PML: variants seen among roughly 807,000 people sequenced by gnomAD.
PML encodes the protein protein PML.
PML carries 28 observed loss-of-function variants against 65.2 expected under a neutral mutation model. That is an observed-to-expected ratio of 0.43 (90% CI 0.32 to 0.59). PML has a LOEUF of 0.59. Among genes scored for constraint, PML ranks in the 20% least tolerant of loss-of-function variants. PML has a pLI of 0.08. For synonymous variants in PML, 500 were observed against 508.8 expected, an observed-to-expected ratio of 0.98 and a Z score of 0.23; for missense variants, 1,021 against 1,203.4, an observed-to-expected ratio of 0.85 and a Z score of 2.24.
At chr15:74,016,701 C>G (rs1345838554) in intron 2 of PML, among the ~76,000 whole-genome samples, 1 of 148,868 alleles carries the variant, frequency 6.7e-6, no homozygotes, top group Non-Finnish European at 1.5e-5. Context: ...AAATGAACAA[C>G]ATTTAGTGTT....
At position 74,045,111 on chromosome 15, in the gene PML, C is replaced by T. The variant is rs2071758832; in HGVS notation, c.*103C>T. ...GCATTCCCAGGTCCTGGTACCCAGC[C>T]CTCAGTTGTCATTTGGTTCAGAATC... On this transcript the variant is annotated 3_prime_UTR_variant, in exon 9 of 9. Coordinates refer to ENST00000268058, the MANE Select transcript of PML (RefSeq NM_033238.3). The T allele has an allele frequency of 9.5e-7, 1 of 1,050,960 alleles. No individual in the cohort carries two copies. Among genetic ancestry groups the T allele is most frequent in the Non-Finnish European group, 1.4e-6 (1 of 736,620 alleles). 65.1% of individuals were successfully genotyped at this position (1,050,960 alleles called of 1,614,324 possible). A position where few individuals can be genotyped will look rare whatever the true frequency, so the allele number is the denominator to read the frequency against.
At chr15:74,022,029 C>T (rs951333119) in intron 2 of PML, among the ~76,000 whole-genome samples, 4 of 152,194 alleles carry the variant, frequency 2.6e-5, no homozygotes, top group African/African-American at 7.2e-5. Flanking sequence ...ACCATCTGGG[C>T]TCACCGCAGC....
intron 2 of PML, among the ~76,000 whole-genome samples, chr15:74,006,390 CAAAAAAAAAAA>C (rs372202858): frequency 2.3e-5 from 2 of 87,554 alleles, no homozygotes; most frequent in Non-Finnish European, 4.2e-5. Context: ...GACTCCGTCT[CAAAAAAAAAAA>C]AAAAAAAAAG....
At chr15:74,039,665 G>C (rs558929087) in intron 7 of PML, among the ~76,000 whole-genome samples, 1 of 152,140 alleles carries the variant, frequency 6.6e-6, no homozygotes, top group South Asian at 2.1e-4. Flanking sequence ...GATTCTAATC[G>C]AATCAGTCTT....
intron 2 of PML, among the ~76,000 whole-genome samples, chr15:74,011,354 G>A (rs2070325554): frequency 6.6e-6 from 1 of 152,218 alleles, no homozygotes; most frequent in African/African-American, 2.4e-5. Flanking sequence ...CTCATGGACT[G>A]AGAACAGGAA....
At chr15:74,025,314 C>T in intron 4 of PML, 1 of 296,616 alleles carries the variant, frequency 3.4e-6, no homozygotes, top group Non-Finnish European at 6.7e-6. Context: ...GGTCAGCAGT[C>T]CTGAGGGATG....
chr15:74,008,902 C>T (rs1432646342), intron 2 of PML, among the ~76,000 whole-genome samples: 1 of 152,068 alleles, frequency 6.6e-6, no homozygotes, highest in African/African-American at 2.4e-5. Context: ...CACCCCATTC[C>T]ACGGAGAATT....
chr15:74,012,365 A>C (rs1168702777), intron 2 of PML, among the ~76,000 whole-genome samples: 1 of 152,102 alleles, frequency 6.6e-6, no homozygotes, highest in African/African-American at 2.4e-5. Flanking sequence ...TAGTAGAGAC[A>C]GGGTTTCACC....
chr15:74,018,321 T>G (rs1176108075), intron 2 of PML, among the ~76,000 whole-genome samples: 1 of 87,856 alleles, frequency 1.1e-5, no homozygotes, highest in South Asian at 4.1e-4. Context: ...AGACTCAGTC[T>G]CAAAAAAAAA....
In PML at chr15:73,998,320, C is replaced by T. The variant is rs1262054222; in HGVS notation, c.446C>T (p.Ala149Val). ...TTTGAGTGCGAGCAGCTCCTCTGCG[C>T]CAAGTGCTTCGAGGCACACCAGTGG... ...WCFECEQLLC[A>V]KCFEAHQWFL... Residue 149 changes from alanine to valine, a missense_variant, in exon 2 of 9, where the codon GCC becomes GTC. Ala to Val is a moderately conservative substitution (Grantham distance 64). Coordinates refer to ENST00000268058, the MANE Select transcript of PML (RefSeq NM_033238.3). 5 of 1,614,092 alleles carry T rather than the reference C, an allele frequency of 3.1e-6. No homozygotes were observed. The highest frequency in any genetic ancestry group is 4.2e-6 in the Non-Finnish European group (5 of 1,180,044).
intron 7 of PML, among the ~76,000 whole-genome samples, chr15:74,039,475 A>G (rs762000492): frequency 2.5e-4 from 38 of 152,348 alleles, no homozygotes; most frequent in Admixed American, 1.4e-3. Flanking sequence ...AGGGCTCTTG[A>G]TAAGCATGAA....
chr15:74,031,463 A>G (rs935732672), intron 4 of PML, among the ~76,000 whole-genome samples: 2 of 152,172 alleles, frequency 1.3e-5, no homozygotes, highest in Non-Finnish European at 2.9e-5. Flanking sequence ...AATGTAATAC[A>G]TTCAAGGCTC....
At position 73,997,989 on chromosome 15, in the gene PML, T is replaced by G; in HGVS notation, c.130-15T>G. 6.2e-7 allele frequency: 1 copy of G among 1,610,648 alleles called. No homozygotes were observed. The highest frequency in any genetic ancestry group is 8.5e-7 in the Non-Finnish European group (1 of 1,178,696). ...GGGACTTCTCCAGGCCTCACCTGCC[T>G]CTCTGGTCCCCCAGCGAGCCCCCGC... On this transcript the variant is annotated splice_polypyrimidine_tract_variant and intron_variant, in intron 1 of 8. Coordinates refer to ENST00000268058, the MANE Select transcript of PML (RefSeq NM_033238.3).
chr15:74,034,736 CA>C (rs2071469260), intron 7 of PML: 1 of 1,493,564 alleles, frequency 6.7e-7, no homozygotes, highest in African/African-American at 1.4e-5. Context: ...ACACCAGGGC[CA>C]GGAGCTCTTC....
intron 4 of PML, among the ~76,000 whole-genome samples, chr15:74,031,776 C>T (rs2071334833): frequency 6.6e-6 from 1 of 152,248 alleles, no homozygotes; most frequent in African/African-American, 2.4e-5. Context: ...AAGCACTTAG[C>T]ACTGTGCCTG....
Position 74,023,377 on chromosome 15 carries a change from G to A in PML, c.1152G>A (p.Gln384=). The change falls in exon 3 of 9, where the codon CAG becomes CAA. Residue 384 remains glutamine (Q), a synonymous_variant. Coordinates refer to ENST00000268058, the MANE Select transcript of PML (RefSeq NM_033238.3). The part of the protein sequence containing the change: ...DGFDEFKVRL[Q]DLSSCITQGK... Reference sequence around the variant, plus strand: ...TCGACGAGTTCAAGGTGCGCCTGCAGGACCTCAGCTCTTGCATCACCCAGG... The same window carrying A: ...TCGACGAGTTCAAGGTGCGCCTGCAAGACCTCAGCTCTTGCATCACCCAGG... 1.3e-6 allele frequency: 2 copies of A among 1,599,744 alleles called. No homozygotes were observed.
In PML at chr15:74,022,891, C is replaced by G; in HGVS notation, c.666C>G (p.His222Gln). The part of the protein sequence containing the change: ...CCSCALLDSS[H>Q]SELKCDISAE... ...CGTGCGCGCTCCTTGACAGCAGCCA[C>G]AGTGAGCTCAAGTGCGACATCAGCG... Residue 222 changes from histidine (H) to glutamine (Q), a missense_variant, in exon 3 of 9, where the codon CAC becomes CAG. Coordinates refer to ENST00000268058, the MANE Select transcript of PML (RefSeq NM_033238.3). 6.2e-7 allele frequency: 1 copy of G among 1,613,622 alleles called. No homozygotes were observed. Among genetic ancestry groups the G allele is most frequent in the Non-Finnish European group, 8.5e-7 (1 of 1,179,868 alleles).
chr15:73,995,850 G>C (rs1209604061), intron 1 of PML, among the ~76,000 whole-genome samples: 4 of 152,096 alleles, frequency 2.6e-5, no homozygotes, highest in Admixed American at 2.6e-4. Context: ...CTCCTTCCGG[G>C]TTCACGCCAT....
intron 4 of PML, chr15:74,028,496 A>G: frequency 6.6e-6 from 1 of 152,172 alleles, no homozygotes; most frequent in South Asian, 2.1e-4. Context: ...TATAAAATAC[A>G]TCATCTTAAC....
Sources: gnomAD v4.1 joint callset for allele counts (sites outside exome capture counted in the v4.1 genomes callset) on GRCh38, gnomAD v4.1.1 for gene constraint, MANE v1.5 for transcripts, NCBI Gene and HGNC (gene_info 2026-07-23, HGNC 2026-07-21) for gene names.